NXPE4: variants seen among roughly 807,000 people sequenced by gnomAD.
NXPE4 encodes the protein neurexophilin and PC-esterase domain family member 4.
In NXPE4, 42 loss-of-function variants were observed where a neutral mutation model predicts 33.3. That is an observed-to-expected ratio of 1.26 (90% CI 0.98 to 1.63). NXPE4 has a LOEUF of 1.63. Among genes scored for constraint, NXPE4 ranks in the 40% most tolerant of loss-of-function variants. NXPE4 has a pLI of 0.00. For synonymous variants in NXPE4, 253 were observed against 234.9 expected, an observed-to-expected ratio of 1.08 and a Z score of -0.71; for missense variants, 709 against 647.6, an observed-to-expected ratio of 1.09 and a Z score of -1.03.
chr11:114,577,190 A>G (rs963128812), intron 5 of NXPE4, among the ~76,000 whole-genome samples: 3 of 148,452 alleles, frequency 2.0e-5, no homozygotes, highest in African/African-American at 7.4e-5. Context: ...AAAATGTTAT[A>G]CACACACACT....
the NXPE4 span, among the ~76,000 whole-genome samples, chr11:114,666,748 G>A: frequency 6.6e-6 from 1 of 152,056 alleles, no homozygotes; most frequent in South Asian, 2.1e-4. Context: ...GCTTTTATAA[G>A]GTAGAATATC....
At chr11:114,615,259 AG>A in the NXPE4 span, among the ~76,000 whole-genome samples, 1 of 151,950 alleles carries the variant, frequency 6.6e-6, no homozygotes, top group African/African-American at 2.4e-5. Context: ...GTGGATTATA[AG>A]TATTTCCTTG....
chr11:114,594,914 C>T (rs553561594), intron 1 of NXPE4, 145 bp from the exon 2 acceptor site: 9 of 557,892 alleles, frequency 1.6e-5, no homozygotes, highest in African/African-American at 5.7e-5. Context: ...CCTTCACCCC[C>T]GCAAGCTGTA....
chr11:114,652,554 C>T, the NXPE4 span, among the ~76,000 whole-genome samples: 2 of 152,142 alleles, frequency 1.3e-5, no homozygotes, highest in African/African-American at 4.8e-5. Context: ...AAGAGATGGT[C>T]CATGTAAAAT....
chr11:114,589,296 T>C (rs1949385453), intron 2 of NXPE4, among the ~76,000 whole-genome samples: 1 of 151,912 alleles, frequency 6.6e-6, no homozygotes, highest in African/African-American at 2.4e-5. Flanking sequence ...GTGGCTCAAA[T>C]TCCCATTACA....
chr11:114,628,577 C>A, the NXPE4 span, among the ~76,000 whole-genome samples: 12 of 149,148 alleles, frequency 8.0e-5, no homozygotes, highest in African/African-American at 1.2e-4. Flanking sequence ...AGGAAAGATC[C>A]AAAATTGACA....
the NXPE4 span, among the ~76,000 whole-genome samples, chr11:114,633,073 T>C: frequency 2.0e-4 from 24 of 118,882 alleles, no homozygotes; most frequent in Non-Finnish European, 3.8e-4. Flanking sequence ...TTTTGTTTTT[T>C]ATAATTTATC....
chr11:114,617,850 T>C, the NXPE4 span, among the ~76,000 whole-genome samples: 8 of 152,228 alleles, frequency 5.3e-5, no homozygotes, highest in Admixed American at 3.9e-4. Context: ...ACCCAGTTGA[T>C]AATAAGTATT....
the NXPE4 span, among the ~76,000 whole-genome samples, chr11:114,663,514 A>G: frequency 2.0e-5 from 3 of 152,044 alleles, no homozygotes; most frequent in African/African-American, 7.2e-5. Flanking sequence ...GTAGGGGTGT[A>G]AACTGGGAGC....
chr11:114,640,351 A>T, the NXPE4 span, among the ~76,000 whole-genome samples: 2 of 149,100 alleles, frequency 1.3e-5, no homozygotes, highest in African/African-American at 4.9e-5. Context: ...ATATAAATGT[A>T]GCATATATAT....
intron 2 of NXPE4, among the ~76,000 whole-genome samples, chr11:114,589,117 A>T (rs1949380149): frequency 6.6e-6 from 1 of 152,110 alleles, no homozygotes. Flanking sequence ...AGAGGACTTT[A>T]AAAAGGATAT....
the NXPE4 span, among the ~76,000 whole-genome samples, chr11:114,654,474 C>G: frequency 6.6e-6 from 1 of 152,128 alleles, no homozygotes; most frequent in Non-Finnish European, 1.5e-5. Context: ...CTCCCCTCAC[C>G]ACCCCAACCC....
At chr11:114,583,397 T>C (rs2135238866) in intron 2 of NXPE4, 1 of 629,780 alleles carries the variant, frequency 1.6e-6, no homozygotes, top group South Asian at 1.5e-5. Flanking sequence ...TGGTTTCTAC[T>C]GAAAAATGGA....
chr11:114,648,237 T>A, the NXPE4 span, among the ~76,000 whole-genome samples: 1 of 152,200 alleles, frequency 6.6e-6, no homozygotes, highest in Middle Eastern at 3.4e-3. Flanking sequence ...TGGGGGCTAC[T>A]CACCAGTCTG....
chr11:114,614,035 C>A, the NXPE4 span, among the ~76,000 whole-genome samples: 1 of 151,738 alleles, frequency 6.6e-6, no homozygotes, highest in African/African-American at 2.4e-5. Context: ...CGTGGGTAAC[C>A]ACTGTTACCC....
chr11:114,633,769 C>G, the NXPE4 span, among the ~76,000 whole-genome samples: 17 of 152,020 alleles, frequency 1.1e-4, no homozygotes, highest in African/African-American at 4.1e-4. Flanking sequence ...CCAATTTCAT[C>G]CATGTCCCTA....
chr11:114,651,045 G>A, the NXPE4 span, among the ~76,000 whole-genome samples: 38 of 151,758 alleles, frequency 2.5e-4, no homozygotes, highest in Admixed American at 2.3e-3. Flanking sequence ...GTACATTGAA[G>A]GTAATAATAT....
rs112475934 is a variant in NXPE4 at position 114,583,909 on chromosome 11, C to T, written c.97-888G>A. 3 of 393,942 alleles carry T rather than the reference C, an allele frequency of 7.6e-6. No homozygotes were observed. The Admixed American group carries it at 9.5e-5, about 12-fold the overall frequency. 24.4% of individuals were successfully genotyped at this position (393,942 alleles called of 1,614,324 possible). On this transcript the variant is annotated intron_variant, in intron 2 of 5. Coordinates refer to ENST00000375478, the MANE Select transcript of NXPE4 (RefSeq NM_001077639.2). ...TATGGGTTATTGGGGCTGGCAAAGG[C>T]AGATATTATGCTATTAACTATCTGC...
At chr11:114,596,421 C>T (rs965064675), upstream of NXPE4, among the ~76,000 whole-genome samples, 22 of 152,182 alleles carry the variant, frequency 1.4e-4, no homozygotes, top group Non-Finnish European at 2.9e-5. Context: ...TGCTGCCCTA[C>T]ACAGGAGGGC....
Sources: gnomAD v4.1 joint callset for allele counts (sites outside exome capture counted in the v4.1 genomes callset) on GRCh38, gnomAD v4.1.1 for gene constraint, MANE v1.5 for transcripts, NCBI Gene and HGNC (gene_info 2026-07-23, HGNC 2026-07-21) for gene names.